The following TAF10 variants were observed in gnomAD, a reference collection of about 807,000 sequenced individuals.
TAF10 encodes the protein TATA-box binding protein associated factor 10.
TAF10 carries 2 observed loss-of-function variants against 18.1 expected under a neutral mutation model. The ratio of observed to expected loss-of-function variants is 0.11; its 90% CI spans 0.05 to 0.35. The LOEUF (loss-of-function observed/expected upper bound fraction) is 0.35. Among genes scored for constraint, TAF10 ranks in the 10% least tolerant of loss-of-function variants. The pLI, the probability that TAF10 is intolerant of heterozygous loss-of-function variation, is 1.00. For synonymous variants in TAF10, 158 were observed against 134.6 expected (o/e 1.17, Z -1.20); for missense variants, 293 against 306.9 (o/e 0.95, Z 0.34).
At position 6,609,502 on chromosome 11, in the gene TAF10, C is replaced by T. The variant is rs752860633; in HGVS notation, c.*1420G>A. 12 of 1,614,124 alleles carry T rather than the reference C, an allele frequency of 7.4e-6. No individual in the cohort carries two copies. Among genetic ancestry groups the T allele is most frequent in the Non-Finnish European group, 9.3e-6 (11 of 1,180,026 alleles). ...TGTACTGGGTCTCAACCACTCCCTC[C>T]CTCTTCTAGGATTTTCTCGCATCCA... On this transcript the variant is annotated 3_prime_UTR_variant, in exon 5 of 5. Transcript: ENST00000299424.
Position 6,609,016 on chromosome 11 carries a change from C to T in TAF10, c.*1906G>A, listed in dbSNP as rs751144669. 6.2e-7 allele frequency: 1 copy of T among 1,611,890 alleles called. No individual in the cohort carries two copies. The highest frequency in any genetic ancestry group is 1.1e-5 in the South Asian group (1 of 91,016). ...GGGTTGTAAAAGGAAATAATCCTGGCCTCTTGGGGCTGGGTTAGGGTGAAG... is the reference window on the plus strand; with the variant it reads ...GGGTTGTAAAAGGAAATAATCCTGGTCTCTTGGGGCTGGGTTAGGGTGAAG... On this transcript the variant is annotated 3_prime_UTR_variant, in exon 5 of 5. Transcript: ENST00000299424.
chr11:6,608,655 G>T lies in TAF10; in HGVS notation c.*2267C>A, dbSNP rs756916190. On this transcript the variant is annotated 3_prime_UTR_variant, in exon 5 of 5. Coordinates refer to ENST00000299424, the MANE Select transcript of TAF10 (RefSeq NM_006284.4). This position sits in a 1 kb window ranked among gnomAD's most constrained non-coding sequence, Gnocchi z 4.9. ...GGTTGGTTCAGTGACTGCCAGCGAG[G>T]TAGCAGTGGCTCTCATCATAATGGC... 6.6e-7 allele frequency: 1 copy of T among 1,524,686 alleles called. No individual in the cohort carries two copies. Among genetic ancestry groups the T allele is most frequent in the Non-Finnish European group, 9.1e-7 (1 of 1,098,244 alleles). 94.4% of individuals were successfully genotyped at this position (1,524,686 alleles called of 1,614,324 possible).
Position 6,608,591 on chromosome 11 carries a change from T to A in TAF10, c.*2331A>T, listed in dbSNP as rs1392625092. On this transcript the variant is annotated 3_prime_UTR_variant, in exon 5 of 5. Transcript: ENST00000299424. The surrounding 1 kb of genome is among the most constrained non-coding windows in gnomAD (Gnocchi z 4.9). ...AACCCATTCTGTCAGTACTACTGTG[T>A]GACACTTACAGGATTAAGTTCTACA... 7.5e-7 allele frequency: 1 copy of A among 1,339,326 alleles called. No individual in the cohort carries two copies. The allele number at this position is 1,339,326 out of a possible 1,614,324, so 83.0% of individuals were successfully genotyped here.
rs1855341232 is a variant in TAF10 at position 6,610,045 on chromosome 11, G to A, written c.*877C>T. 2 of 1,614,068 alleles carry A rather than the reference G, an allele frequency of 1.2e-6. No individual in the cohort carries two copies. The highest frequency in any genetic ancestry group is 1.7e-5 in the Admixed American group (1 of 60,010). On this transcript the variant is annotated 3_prime_UTR_variant, in exon 5 of 5. Coordinates refer to ENST00000299424, the MANE Select transcript of TAF10 (RefSeq NM_006284.4). The stretch of plus-strand genomic sequence containing the variant: ...TGGGTAGCCCCCGAAGGTGAGTGAA[G>A]TCATCATGTCGGGAGGTAAAAAAGG...
chr11:6,610,251 C>A lies in TAF10; in HGVS notation c.*671G>T. ...TGACACGGGAGGTACCCTTTGCTGA[C>A]CTCTCCAATATGGAGATTGGAATGA... is the stretch of plus-strand genomic sequence containing the variant. On this transcript the variant is annotated 3_prime_UTR_variant, in exon 5 of 5. Coordinates refer to ENST00000299424, the MANE Select transcript of TAF10 (RefSeq NM_006284.4). 1 of 1,614,190 alleles carries A rather than the reference C, an allele frequency of 6.2e-7. No homozygotes were observed. Among genetic ancestry groups the A allele is most frequent in the Non-Finnish European group, 8.5e-7 (1 of 1,180,040 alleles).
chr11:6,610,818 C>T lies in TAF10; in HGVS notation c.*104G>A, dbSNP rs2739501. ...CTTTGTCACTTGCCACATGGTGTCT[C>T]CCAACATGGGAGGGATCAGCCCCGC... On this transcript the variant is annotated 3_prime_UTR_variant, in exon 5 of 5. Transcript: ENST00000299424. The T allele has an allele frequency of 6.9e-7, 1 of 1,439,558 alleles. No homozygotes were observed. The highest frequency in any genetic ancestry group is 9.7e-7 in the Non-Finnish European group (1 of 1,029,986). 89.2% of individuals were successfully genotyped at this position (1,439,558 alleles called of 1,614,324 possible). A position where few individuals can be genotyped will look rare whatever the true frequency, so the allele number is the denominator to read the frequency against.
In TAF10 at chr11:6,608,417, C is replaced by T; in HGVS notation, c.*2505G>A. On this transcript the variant is annotated 3_prime_UTR_variant, in exon 5 of 5. Coordinates refer to ENST00000299424, the MANE Select transcript of TAF10 (RefSeq NM_006284.4). This position sits in a 1 kb window ranked among gnomAD's most constrained non-coding sequence, Gnocchi z 4.9. ...AGCTATTGCAGTACAAGGCAGACAT[C>T]AATGCAGTGAATGAACACGGGAATG... The T allele has an allele frequency of 1.2e-6, 2 of 1,614,154 alleles. No homozygotes were observed. The highest frequency in any genetic ancestry group is 1.7e-6 in the Non-Finnish European group (2 of 1,179,964).
chr11:6,611,773 G>A lies in TAF10; in HGVS notation c.278C>T (p.Ser93Phe). The A allele has an allele frequency of 1.2e-6, 2 of 1,608,470 alleles. No homozygotes were observed. Among genetic ancestry groups the A allele is most frequent in the Non-Finnish European group, 1.7e-6 (2 of 1,177,024 alleles). ...GGAAPPEGAI[S>F]NGVYVLPSAA... ...GCTCGGCAGTACGTAAACCCCGTTA[G>A]ATATGGCCCCCTCCGGGGGCGCCGC... is the stretch of plus-strand genomic sequence containing the variant. The change falls in exon 2 of 5, where the codon TCT becomes TTT. Residue 93 changes from serine to phenylalanine, a missense_variant. Transcript: ENST00000299424.
At position 6,612,037 on chromosome 11, in the gene TAF10, T is replaced by A; in HGVS notation, c.153A>T (p.Gly51=). Residue 51 remains glycine (G), a synonymous_variant, in exon 1 of 5, where the codon GGA becomes GGT. Transcript: ENST00000299424. ...NKASPAGTAG[G]PGAGAAAGGT... is the part of the protein sequence containing the mutation. The stretch of plus-strand genomic sequence containing the variant: ...CCCCAGCAGCTGCTCCAGCCCCAGG[T>A]CCCCCCGCTGTCCCCGCGGGGCTGG... 1 of 1,490,738 alleles carries A rather than the reference T, an allele frequency of 6.7e-7. No individual in the cohort carries two copies. The highest frequency in any genetic ancestry group is 1.3e-5 in the South Asian group (1 of 77,408). The allele number at this position is 1,490,738 out of a possible 1,614,324, so 92.3% of individuals were successfully genotyped here.
Position 6,608,352 on chromosome 11 carries a change from T to C in TAF10, c.*2570A>G. The C allele has an allele frequency of 6.3e-7, 1 of 1,594,168 alleles. No homozygotes were observed. The highest frequency in any genetic ancestry group is 8.6e-7 in the Non-Finnish European group (1 of 1,161,868). On this transcript the variant is annotated 3_prime_UTR_variant, in exon 5 of 5. Coordinates refer to ENST00000299424, the MANE Select transcript of TAF10 (RefSeq NM_006284.4). This position sits in a 1 kb window ranked among gnomAD's most constrained non-coding sequence, Gnocchi z 4.9. ...CACCAGTATCTCATTTGGAACTGAC[T>C]GTACTTTCTGCCTCTTCTTTTTGTC...
chr11:6,608,219 CA>C lies in TAF10; in HGVS notation c.*2702del. 2.5e-6 allele frequency: 4 copies of C among 1,614,114 alleles called. No homozygotes were observed. Among genetic ancestry groups the C allele is most frequent in the Non-Finnish European group, 3.4e-6 (4 of 1,179,938 alleles). On this transcript the variant is annotated 3_prime_UTR_variant, in exon 5 of 5. Coordinates refer to ENST00000299424, the MANE Select transcript of TAF10 (RefSeq NM_006284.4). This position sits in a 1 kb window ranked among gnomAD's most constrained non-coding sequence, Gnocchi z 4.9. Reference sequence around the variant, plus strand: ...CGTGATATTGTACAGAAGGTACGTACAAACTCCTTCGTCATCCACATCACAT... The same window carrying C: ...CGTGATATTGTACAGAAGGTACGTACAACTCCTTCGTCATCCACATCACAT...
chr11:6,611,658 G>T lies in TAF10; in HGVS notation c.387+6C>A. 1 of 1,579,568 alleles carries T rather than the reference G, an allele frequency of 6.3e-7. No homozygotes were observed. The highest frequency in any genetic ancestry group is 8.6e-7 in the Non-Finnish European group (1 of 1,160,640). On this transcript the variant is annotated splice_donor_region_variant and intron_variant, in intron 2 of 4. Coordinates refer to ENST00000299424, the MANE Select transcript of TAF10 (RefSeq NM_006284.4). ...GCTAGGTGGCCTTGTTCGGGCGGAA[G>T]CCCACCGTAGGCGTGTAATCTTCCA...
At position 6,611,203 on chromosome 11, in the gene TAF10, G is replaced by T. The variant is rs1026245430; in HGVS notation, c.553C>A (p.Arg185=). The change falls in exon 4 of 5, where the codon CGG becomes AGG. Residue 185 remains arginine, a synonymous_variant. Transcript: ENST00000299424. The part of the protein sequence containing the change: ...KMKGTASGSS[R]SKSKDRKYTL... ...TCCCCTCACACCTTGCTCTTGCTCC[G>T]GGAGCTGCCGGAGGCCGTGCCCTTC... 1.9e-6 allele frequency: 3 copies of T among 1,613,866 alleles called. No individual in the cohort carries two copies. The highest frequency in any genetic ancestry group is 2.7e-5 in the African/African-American group (2 of 74,910).
chr11:6,607,714 T>G lies in TAF10; in HGVS notation c.*3208A>C. The G allele has an allele frequency of 2.7e-6, 1 of 369,938 alleles. No individual in the cohort carries two copies. The highest frequency in any genetic ancestry group is 4.1e-5 in the Admixed American group (1 of 24,622). The allele number at this position is 369,938 out of a possible 1,614,324, so 22.9% of individuals were successfully genotyped here. A position where few individuals can be genotyped will look rare whatever the true frequency, so the allele number is the denominator to read the frequency against. ...CTGAAGTAGGGGGACATATAAGATG[T>G]GGTGGAAAACAGAAAGGACCAATAG... On this transcript the variant is annotated 3_prime_UTR_variant, in exon 5 of 5. Coordinates refer to ENST00000299424, the MANE Select transcript of TAF10 (RefSeq NM_006284.4).
rs573765878 is a variant in TAF10 at position 6,609,288 on chromosome 11, C to T, written c.*1634G>A. 9.9e-5 allele frequency: 159 copies of T among 1,613,386 alleles called. 2 individuals carry two copies. In the South Asian group the frequency reaches 1.5e-3, roughly 15 times the overall value. On this transcript the variant is annotated 3_prime_UTR_variant, in exon 5 of 5. Coordinates refer to ENST00000299424, the MANE Select transcript of TAF10 (RefSeq NM_006284.4). ...ACATTTCAAGCCTCCTAACCCCTAC[C>T]TGTCCTGCAGCTATGGAAGGGCCGC...
rs187795252 is a variant in TAF10, at chr11:6,608,764, A to G, written c.*2158T>C. On this transcript the variant is annotated 3_prime_UTR_variant, in exon 5 of 5. Coordinates refer to ENST00000299424, the MANE Select transcript of TAF10 (RefSeq NM_006284.4). This position sits in a 1 kb window ranked among gnomAD's most constrained non-coding sequence, Gnocchi z 4.9. The stretch of plus-strand genomic sequence containing the variant: ...GGAGAGATGCCTGTGGACAAAGCCA[A>G]GGCACCCCTGAGAGAGCTTCTCCGA... 3.1e-6 allele frequency: 5 copies of G among 1,614,122 alleles called. No individual in the cohort carries two copies. The highest frequency in any genetic ancestry group is 1.7e-5 in the Admixed American group (1 of 60,028).
Position 6,610,961 on chromosome 11 carries a change from C to T in TAF10, c.618G>A (p.Glu206=), listed in dbSNP as rs950481952. ...GCGGCTTCTTCACATTGATGCCATACTCGCTGAGGGCAGGGGTCAAGTCCT... is the reference window on the plus strand; with the variant it reads ...GCGGCTTCTTCACATTGATGCCATATTCGCTGAGGGCAGGGGTCAAGTCCT... ...TMEDLTPALS[E]YGINVKKPHY... Residue 206 remains glutamate (E), a synonymous_variant, in exon 5 of 5, where the codon GAG becomes GAA. Transcript: ENST00000299424. 9.9e-6 allele frequency: 16 copies of T among 1,614,094 alleles called. No individual in the cohort carries two copies. The highest frequency in any genetic ancestry group is 1.4e-5 in the Non-Finnish European group (16 of 1,180,054).
In TAF10 at chr11:6,607,935, G is replaced by A; in HGVS notation, c.*2987C>T. On this transcript the variant is annotated 3_prime_UTR_variant, in exon 5 of 5. Transcript: ENST00000299424. ...GTTGCTGGCATGAATGAGAATCAAA[G>A]TCCTAGAGAGGTAAGCCTTCCCAGA... The A allele has an allele frequency of 5.3e-6, 6 of 1,135,282 alleles. No homozygotes were observed. The highest frequency in any genetic ancestry group is 6.5e-6 in the Non-Finnish European group (5 of 773,774). The allele number at this position is 1,135,282 out of a possible 1,614,324, so 70.3% of individuals were successfully genotyped here.
In TAF10 at chr11:6,608,740, G is replaced by C. The variant is rs770076288; in HGVS notation, c.*2182C>G. ...CTTGTCAGCATCTGTAACAAGTATGGAGAGATGCCTGTGGACAAAGCCAAG... is the reference window on the plus strand; with the variant it reads ...CTTGTCAGCATCTGTAACAAGTATGCAGAGATGCCTGTGGACAAAGCCAAG... On this transcript the variant is annotated 3_prime_UTR_variant, in exon 5 of 5. Transcript: ENST00000299424. The surrounding 1 kb of genome is among the most constrained non-coding windows in gnomAD (Gnocchi z 4.9). 6.2e-7 allele frequency: 1 copy of C among 1,614,136 alleles called. No individual in the cohort carries two copies. Among genetic ancestry groups the C allele is most frequent in the Non-Finnish European group, 8.5e-7 (1 of 1,179,998 alleles).
Sources: allele counts gnomAD v4.1 joint callset, GRCh38; gene constraint gnomAD v4.1.1; non-coding constraint Gnocchi (gnomAD v3.1); transcripts MANE v1.5; gene names NCBI Gene and HGNC (gene_info 2026-07-23, HGNC 2026-07-21).